IRGC: variants seen among roughly 807,000 people sequenced by gnomAD.
IRGC encodes the protein interferon-inducible GTPase 5.
IRGC carries 4 observed loss-of-function variants against 16.1 expected under a neutral mutation model. The ratio of observed to expected loss-of-function variants is 0.25; its 90% CI spans 0.12 to 0.57. IRGC has a LOEUF of 0.57. Among genes scored for constraint, IRGC ranks in the 20% least tolerant of loss-of-function variants. The pLI, the probability that IRGC is intolerant of heterozygous loss-of-function variation, is 0.92. For synonymous variants in IRGC, 307 were observed against 299.5 expected, an observed-to-expected ratio of 1.03 and a Z score of -0.26; for missense variants, 570 against 643.9, an observed-to-expected ratio of 0.89 and a Z score of 1.24.
chr19:43,718,990 C>A lies in IRGC; in HGVS notation c.432C>A (p.Arg144=). ...TCTTCCTGCTGGTCTCCCCCCGCCG[C>A]TGCGGGGCCGTCGAGACCCGCCTGG... ...YDFFLLVSPR[R]CGAVETRLAA... The change falls in exon 2 of 2, where the codon CGC becomes CGA. Residue 144 remains arginine (R), a synonymous_variant. Coordinates refer to ENST00000244314, the MANE Select transcript of IRGC (RefSeq NM_019612.4). The A allele has an allele frequency of 6.2e-7, 1 of 1,612,108 alleles. No homozygotes were observed. Among genetic ancestry groups the A allele is most frequent in the Non-Finnish European group, 8.5e-7 (1 of 1,179,582 alleles).
At chr19:43,716,501 C>G (rs1968172040) in intron 1 of IRGC, among the ~76,000 whole-genome samples, 1 of 152,088 alleles carries the variant, frequency 6.6e-6, no homozygotes, top group Non-Finnish European at 1.5e-5. Flanking sequence ...CAACACCTGG[C>G]TAATTTTTGT....
chr19:43,719,799 G>T lies in IRGC; in HGVS notation c.1241G>T (p.Ser414Ile), dbSNP rs773998593. The change falls in exon 2 of 2, where the codon AGC becomes ATC. Residue 414 changes from serine to isoleucine, a missense_variant. By Grantham distance (142) the Ser-to-Ile change is moderately radical. Coordinates refer to ENST00000244314, the MANE Select transcript of IRGC (RefSeq NM_019612.4). ...LEDDEPQPEV[S>I]LEVASDNGVE... Reference sequence around the variant, plus strand: ...GATGACGAGCCGCAGCCGGAGGTCAGCTTGGAAGTGGCCAGTGACAATGGC... The same window carrying T: ...GATGACGAGCCGCAGCCGGAGGTCATCTTGGAAGTGGCCAGTGACAATGGC... 6.2e-7 allele frequency: 1 copy of T among 1,614,060 alleles called. No individual in the cohort carries two copies. The highest frequency in any genetic ancestry group is 8.5e-7 in the Non-Finnish European group (1 of 1,179,954).
chr19:43,716,857 T>G (rs909201858), intron 1 of IRGC, among the ~76,000 whole-genome samples: 2 of 151,932 alleles, frequency 1.3e-5, no homozygotes, highest in Admixed American at 6.6e-5. Flanking sequence ...GAGACCTCAT[T>G]TGTCTTGTCT....
rs1386981732 is a variant in IRGC, at chr19:43,716,122, G to A, written c.-87G>A. 6.6e-6 allele frequency: 1 copy of A among 152,616 alleles called. No individual in the cohort carries two copies. Among genetic ancestry groups the A allele is most frequent in the Non-Finnish European group, 1.5e-5 (1 of 68,378 alleles). The allele number at this position is 152,616 out of a possible 1,614,324, so 9.5% of individuals were successfully genotyped here. A position where few individuals can be genotyped will look rare whatever the true frequency, so the allele number is the denominator to read the frequency against. On this transcript the variant is annotated 5_prime_UTR_variant, in exon 1 of 2. Transcript: ENST00000244314. ...TATCAGTGGGGAGAGTGTGAGGGGA[G>A]AGGGAGAGCCTGCAGGGCAGGTGAG...
Position 43,719,591 on chromosome 19 carries a change from C to A in IRGC, c.1033C>A (p.Arg345=). 6.2e-7 allele frequency: 1 copy of A among 1,602,622 alleles called. No homozygotes were observed. Among genetic ancestry groups the A allele is most frequent in the Non-Finnish European group, 8.5e-7 (1 of 1,179,806 alleles). ...CGAGGTCTCGCCTGAGACTGTCCTG[C>A]GGCTCTATTCCCAGTCGTCCGACGG... is the stretch of plus-strand genomic sequence containing the variant. ...ANEVSPETVL[R]LYSQSSDGAM... is the part of the protein sequence containing the mutation. The change falls in exon 2 of 2, where the codon CGG becomes AGG. Residue 345 remains arginine (R), a synonymous_variant. Coordinates refer to ENST00000244314, the MANE Select transcript of IRGC (RefSeq NM_019612.4).
At position 43,719,074 on chromosome 19, in the gene IRGC, G is replaced by A; in HGVS notation, c.516G>A (p.Glu172=). The change falls in exon 2 of 2, where the codon GAG becomes GAA. Residue 172 remains glutamate, a synonymous_variant. Transcript: ENST00000244314. ...KFYFVRTKVD[E]DLAATRTQRP... ...ACTTTGTGCGCACCAAGGTGGACGAGGACCTGGCGGCCACGCGCACCCAGC... is the reference window on the plus strand; with the variant it reads ...ACTTTGTGCGCACCAAGGTGGACGAAGACCTGGCGGCCACGCGCACCCAGC... 1 of 1,611,348 alleles carries A rather than the reference G, an allele frequency of 6.2e-7. No individual in the cohort carries two copies. The highest frequency in any genetic ancestry group is 8.5e-7 in the Non-Finnish European group (1 of 1,178,900).
chr19:43,719,888 C>T lies in IRGC; in HGVS notation c.1330C>T (p.Leu444Phe). 4 of 1,613,916 alleles carry T rather than the reference C, an allele frequency of 2.5e-6. No individual in the cohort carries two copies. The South Asian group carries it at 3.3e-5, about 13-fold the overall frequency. Residue 444 changes from leucine (L) to phenylalanine (F), a missense_variant, in exon 2 of 2, where the codon CTC becomes TTC. Leu to Phe is a conservative substitution (Grantham distance 22). Coordinates refer to ENST00000244314, the MANE Select transcript of IRGC (RefSeq NM_019612.4). Reference protein sequence around the residue: ...EEAPLSTCRKLGLLLKYILDS... With the variant: ...EEAPLSTCRKFGLLLKYILDS... Reference sequence around the variant, plus strand: ...AGCCCCACTCTCAACCTGCAGGAAGCTCGGCCTCCTTCTTAAGTACATTCT... The same window carrying T: ...AGCCCCACTCTCAACCTGCAGGAAGTTCGGCCTCCTTCTTAAGTACATTCT...
At position 43,718,737 on chromosome 19, in the gene IRGC, C is replaced by T. The variant is rs755942419; in HGVS notation, c.179C>T (p.Thr60Met). The change falls in exon 2 of 2, where the codon ACG (threonine) becomes ATG (methionine). Residue 60 changes from threonine to methionine, a missense_variant. Thr to Met is a moderately conservative substitution (Grantham distance 81). Coordinates refer to ENST00000244314, the MANE Select transcript of IRGC (RefSeq NM_019612.4). ...TESIRLEVGV[T>M]GESGAGKSSL... ...AGCATCCGCCTGGAGGTGGGCGTCA[C>T]GGGCGAGTCGGGCGCGGGCAAGTCC... The T allele has an allele frequency of 6.8e-6, 11 of 1,612,624 alleles. 1 individual carries two copies. In the South Asian group the frequency reaches 7.7e-5, roughly 11 times the overall value.
At chr19:43,718,365 C>A in intron 1 of IRGC, 128 bp from the exon 2 acceptor site, 1 of 1,167,248 alleles carries the variant, frequency 8.6e-7, no homozygotes, top group Non-Finnish European at 1.1e-6. Flanking sequence ...AAAAATGTGT[C>A]CCCAATTCTT....
At chr19:43,716,558 G>A (rs548588596) in intron 1 of IRGC, among the ~76,000 whole-genome samples, 2 of 151,948 alleles carry the variant, frequency 1.3e-5, no homozygotes, top group East Asian at 1.9e-4. Flanking sequence ...GGCTGGTCTC[G>A]AACTCCTGAC....
rs780991399 is a variant in IRGC, at chr19:43,719,783, C to T, written c.1225C>T (p.Pro409Ser). The change falls in exon 2 of 2, where the codon CCG (proline) becomes TCG (serine). Residue 409 changes from proline to serine, a missense_variant. Physicochemically the swap from Pro to Ser is moderately conservative, Grantham distance 74 (BLOSUM62 -1). Coordinates refer to ENST00000244314, the MANE Select transcript of IRGC (RefSeq NM_019612.4). ...VRIKALEDDEPQPEVSLEVAS... is the reference protein window; with the variant it reads ...VRIKALEDDESQPEVSLEVAS... The stretch of plus-strand genomic sequence containing the variant: ...CATCAAGGCCCTGGAGGATGACGAG[C>T]CGCAGCCGGAGGTCAGCTTGGAAGT... The T allele has an allele frequency of 2.1e-5, 34 of 1,613,738 alleles. No individual in the cohort carries two copies.
Position 43,718,921 on chromosome 19 carries a change from G to T in IRGC, c.363G>T (p.Pro121=), listed in dbSNP as rs543716827. The change falls in exon 2 of 2, where the codon CCG becomes CCT. Residue 121 remains proline (P), a synonymous_variant. Coordinates refer to ENST00000244314, the MANE Select transcript of IRGC (RefSeq NM_019612.4). The part of the protein sequence containing the change: ...DLPGAGSPGC[P]ADKYLKQVDF... ...CAGGAGCCGGCTCTCCAGGCTGCCC[G>T]GCTGACAAGTACCTAAAGCAGGTAG... is the stretch of plus-strand genomic sequence containing the variant. 1 of 1,612,808 alleles carries T rather than the reference G, an allele frequency of 6.2e-7. No homozygotes were observed. Among genetic ancestry groups the T allele is most frequent in the Non-Finnish European group, 8.5e-7 (1 of 1,179,772 alleles).
rs1347125747 is a variant in IRGC at position 43,718,938 on chromosome 19, A to G, written c.380A>G (p.Lys127Arg). The G allele has an allele frequency of 6.2e-7, 1 of 1,612,400 alleles. No homozygotes were observed. ...SPGCPADKYL[K>R]QVDFSRYDFF... ...GGCTGCCCGGCTGACAAGTACCTAA[A>G]GCAGGTAGACTTCAGCCGCTATGAC... Residue 127 changes from lysine to arginine, a missense_variant, in exon 2 of 2, where the codon AAG becomes AGG. Coordinates refer to ENST00000244314, the MANE Select transcript of IRGC (RefSeq NM_019612.4).
intron 1 of IRGC, among the ~76,000 whole-genome samples, chr19:43,717,620 C>A (rs945957029): frequency 6.6e-6 from 1 of 152,188 alleles, no homozygotes; most frequent in African/African-American, 2.4e-5. Flanking sequence ...TCCACCCTAC[C>A]CTCCAATCCC....
chr19:43,719,475 G>T lies in IRGC; in HGVS notation c.917G>T (p.Gly306Val). 1 of 1,604,326 alleles carries T rather than the reference G, an allele frequency of 6.2e-7. No individual in the cohort carries two copies. Among genetic ancestry groups the T allele is most frequent in the Non-Finnish European group, 8.5e-7 (1 of 1,177,854 alleles). ...HSLRGYHRSF[G>V]LDDDSLAKLA... ...CTGCGTGGCTACCACCGCAGCTTTG[G>T]TCTGGACGACGACTCGCTGGCCAAG... The change falls in exon 2 of 2, where the codon GGT becomes GTT. Residue 306 changes from glycine to valine, a missense_variant. Physicochemically the swap from Gly to Val is moderately radical, Grantham distance 109. Transcript: ENST00000244314.
intron 1 of IRGC, among the ~76,000 whole-genome samples, chr19:43,716,590 G>A (rs1423959513): frequency 2.0e-5 from 3 of 152,096 alleles, no homozygotes; most frequent in Admixed American, 1.3e-4. Context: ...CACCCACCTC[G>A]GCCTCCCAAA....
rs199599515 is a variant in IRGC, at chr19:43,719,485, C to T, written c.927C>T (p.Asp309=). Residue 309 remains aspartate, a synonymous_variant, in exon 2 of 2, where the codon GAC becomes GAT. Coordinates refer to ENST00000244314, the MANE Select transcript of IRGC (RefSeq NM_019612.4). ...ACCACCGCAGCTTTGGTCTGGACGA[C>T]GACTCGCTGGCCAAGCTGGCCGAGC... ...RGYHRSFGLD[D]DSLAKLAEQV... 2.4e-5 allele frequency: 38 copies of T among 1,603,816 alleles called. No individual in the cohort carries two copies. Among genetic ancestry groups the T allele is most frequent in the East Asian group, 2.0e-4 (9 of 44,818 alleles).
In IRGC at chr19:43,719,964, GC is replaced by G. The variant is rs1424939117; in HGVS notation, c.*20del. 2 of 1,611,142 alleles carry G rather than the reference GC, an allele frequency of 1.2e-6. No individual in the cohort carries two copies. Among genetic ancestry groups the G allele is most frequent in the Non-Finnish European group, 8.5e-7 (1 of 1,179,500 alleles). On this transcript the variant is annotated 3_prime_UTR_variant, in exon 2 of 2. Coordinates refer to ENST00000244314, the MANE Select transcript of IRGC (RefSeq NM_019612.4). Reference sequence around the variant, plus strand: ...GAAGAGAAATAAAGAGTGCAGCCCCGCCCCCCTGCCTCACCCACAAACTAAG... The same window carrying G: ...GAAGAGAAATAAAGAGTGCAGCCCCGCCCCCTGCCTCACCCACAAACTAAG...
rs777437733 is a variant in IRGC, at chr19:43,719,267, C to T, written c.709C>T (p.Pro237Ser). The T allele has an allele frequency of 4.4e-6, 7 of 1,608,612 alleles. No homozygotes were observed. In the South Asian group the frequency reaches 5.5e-5, roughly 13 times the overall value. The stretch of plus-strand genomic sequence containing the variant: ...GGTGTCCACCTGGGAGCACGACCTG[C>T]CCTCCCACCGGCGCCACGCTGGCCT... ...TLVSTWEHDL[P>S]SHRRHAGLLS... is the part of the protein sequence containing the mutation. Residue 237 changes from proline to serine, a missense_variant, in exon 2 of 2, where the codon CCC (proline) becomes TCC (serine). Pro to Ser is a moderately conservative substitution (Grantham distance 74). Transcript: ENST00000244314.
Sources: gnomAD v4.1 joint callset for allele counts (sites outside exome capture counted in the v4.1 genomes callset) on GRCh38, gnomAD v4.1.1 for gene constraint, MANE v1.5 for transcripts, NCBI Gene and HGNC (gene_info 2026-07-23, HGNC 2026-07-21) for gene names.